The following PCDHGA2 variants were observed in gnomAD, a reference collection of about 807,000 sequenced individuals.
The protein encoded by PCDHGA2 is protocadherin gamma-A2.
In PCDHGA2, 40 loss-of-function variants were observed where a neutral mutation model predicts 59.2. The ratio of observed to expected loss-of-function variants is 0.68; its 90% CI spans 0.52 to 0.88. The LOEUF is 0.88. Ranked by LOEUF, PCDHGA2 falls within the 40% of genes least tolerant of loss-of-function variation. PCDHGA2 has a pLI of 0.00. For synonymous variants in PCDHGA2, 560 were observed against 526.0 expected, an observed-to-expected ratio of 1.06 and a Z score of -0.89; for missense variants, 1,226 against 1,204.0, an observed-to-expected ratio of 1.02 and a Z score of -0.27.
At chr5:141,352,135 G>A (rs747746357) in intron 1 of PCDHGA2, 4 of 1,611,002 alleles carry the variant, frequency 2.5e-6, no homozygotes, top group African/African-American at 2.7e-5. Context: ...TGCGCACAGC[G>A]CGTGCCTTGG....
intron 1 of PCDHGA2, chr5:141,383,465 C>T: frequency 6.2e-7 from 1 of 1,613,792 alleles, no homozygotes; most frequent in Non-Finnish European, 8.5e-7. Flanking sequence ...GACGATGAAA[C>T]TAAGTACCCG....
chr5:141,373,547 T>C (rs1363440300), intron 1 of PCDHGA2, among the ~76,000 whole-genome samples: 2 of 152,240 alleles, frequency 1.3e-5, no homozygotes, highest in African/African-American at 4.8e-5. Flanking sequence ...TGGTTGTTGG[T>C]ACCCTTACTG....
chr5:141,355,089 C>G (rs1381580612), intron 1 of PCDHGA2: 1 of 1,474,082 alleles, frequency 6.8e-7, no homozygotes, highest in East Asian at 2.3e-5. Context: ...AGCGGAAGCC[C>G]TGAGAGCTCT....
Position 141,339,971 on chromosome 5 carries a change from A to G in PCDHGA2, c.1000A>G (p.Ile334Val). The change falls in exon 1 of 4, where the codon ATC (isoleucine) becomes GTC (valine). Residue 334 changes from isoleucine (I) to valine (V), a missense_variant. Coordinates refer to ENST00000394576, the MANE Select transcript of PCDHGA2 (RefSeq NM_018915.4). ...GGGCCTTCTAACCAGAGCGAAGGTT[A>G]TCGTCACGGTTCTGGATGTGAATGA... ...GPGLLTRAKVIVTVLDVNDNA... is the reference protein window; with the variant it reads ...GPGLLTRAKVVVTVLDVNDNA... The G allele has an allele frequency of 6.2e-7, 1 of 1,614,200 alleles. No individual in the cohort carries two copies. Among genetic ancestry groups the G allele is most frequent in the Non-Finnish European group, 8.5e-7 (1 of 1,180,014 alleles).
intron 1 of PCDHGA2, chr5:141,423,505 C>G: frequency 6.2e-7 from 1 of 1,613,932 alleles, no homozygotes; most frequent in Non-Finnish European, 8.5e-7. Context: ...CGAGGTCTCT[C>G]TCATTGCGGA....
chr5:141,427,936 G>A, intron 1 of PCDHGA2: 1 of 1,584,966 alleles, frequency 6.3e-7, no homozygotes, highest in Admixed American at 1.7e-5. Context: ...ATGTTGGTGG[G>A]CGACCTCAAT....
chr5:141,399,195 G>A (rs773731727), intron 1 of PCDHGA2: 5 of 1,613,852 alleles, frequency 3.1e-6, no homozygotes, highest in Non-Finnish European at 4.2e-6. Context: ...TGGAAAACGC[G>A]GTGCCTGGAA....
chr5:141,402,816 C>T, intron 1 of PCDHGA2: 1 of 1,261,762 alleles, frequency 7.9e-7, no homozygotes, highest in South Asian at 1.7e-5. Flanking sequence ...ATACCACAAA[C>T]CTGCTCCCAG....
At chr5:141,350,425 T>A (rs759895057) in intron 1 of PCDHGA2, 1 of 1,607,986 alleles carries the variant, frequency 6.2e-7, no homozygotes, top group East Asian at 2.2e-5. Context: ...TGGGGCTCAG[T>A]GTCCGGGAGT....
chr5:141,475,550 T>G (rs2099365082), intron 1 of PCDHGA2, among the ~76,000 whole-genome samples: 1 of 152,246 alleles, frequency 6.6e-6, no homozygotes, highest in Non-Finnish European at 1.5e-5. Flanking sequence ...AGGGTCCGGC[T>G]AATTGTCTGT....
intron 1 of PCDHGA2, among the ~76,000 whole-genome samples, chr5:141,448,086 TAA>T (rs558292628): frequency 6.8e-6 from 1 of 146,354 alleles, no homozygotes; most frequent in Middle Eastern, 3.2e-3. Flanking sequence ...AATGCCATCT[TAA>T]AAAAAAAAAA....
chr5:141,341,127 G>A lies in PCDHGA2; in HGVS notation c.2156G>A (p.Trp719Ter), dbSNP rs1196446097. ...IVLLAHRLRRWHKSRLLQASG... is the reference protein window; with the variant it reads ...IVLLAHRLRR ...TTGCTGGCGCACAGGCTGCGGCGCT[G>A]GCACAAGTCACGCCTGCTGCAGGCT... Residue 719 changes from tryptophan to a stop codon, truncating the protein, a stop_gained, in exon 1 of 4, where the codon TGG becomes TAG. Coordinates refer to ENST00000394576, the MANE Select transcript of PCDHGA2 (RefSeq NM_018915.4). LOFTEE classifies it high-confidence loss of function. 1.9e-6 allele frequency: 3 copies of A among 1,614,218 alleles called. No individual in the cohort carries two copies. The highest frequency in any genetic ancestry group is 1.7e-6 in the Non-Finnish European group (2 of 1,180,042).
At chr5:141,374,058 C>G in intron 1 of PCDHGA2, 1 of 1,487,942 alleles carries the variant, frequency 6.7e-7, no homozygotes, top group Non-Finnish European at 8.9e-7. Flanking sequence ...CTTCTTAATC[C>G]CAGAGAAGTT....
chr5:141,425,763 G>A (rs959881638), intron 1 of PCDHGA2, among the ~76,000 whole-genome samples: 3 of 152,164 alleles, frequency 2.0e-5, no homozygotes, highest in Non-Finnish European at 4.4e-5. Context: ...TCTACAACAG[G>A]AGAGAAGACT....
At chr5:141,419,789 G>A (rs758649709) in intron 1 of PCDHGA2, 2 of 1,614,068 alleles carry the variant, frequency 1.2e-6, no homozygotes, top group South Asian at 2.2e-5. Context: ...GCGCCTGCTA[G>A]TCGCTGTAAG....
chr5:141,457,649 A>C (rs1303184316), intron 1 of PCDHGA2, among the ~76,000 whole-genome samples: 1 of 152,282 alleles, frequency 6.6e-6, no homozygotes, highest in Non-Finnish European at 1.5e-5. Context: ...TATTTGCATG[A>C]AGTGCAGCAA....
At chr5:141,361,288 C>T (rs1213603447) in intron 1 of PCDHGA2, 21 of 1,613,934 alleles carry the variant, frequency 1.3e-5, no homozygotes, top group Non-Finnish European at 1.8e-5. Flanking sequence ...AGTTTACTGC[C>T]AAGTGTTGGG....
chr5:141,423,106 G>T lies in PCDHGA2; in HGVS notation c.2425-71701G>T, dbSNP rs562864937. On this transcript the variant is annotated intron_variant, in intron 1 of 3. Coordinates refer to ENST00000394576, the MANE Select transcript of PCDHGA2 (RefSeq NM_018915.4). ...CGCGGTGGGGGAGCACACGGGCGAGGTGCGTACAGCGCGGGCACTGCTGGA... is the reference window on the plus strand; with the variant it reads ...CGCGGTGGGGGAGCACACGGGCGAGTTGCGTACAGCGCGGGCACTGCTGGA... The T allele has an allele frequency of 1.2e-5, 19 of 1,613,894 alleles. No individual in the cohort carries two copies. The African/African-American group carries it at 2.1e-4, about 18-fold the overall frequency.
chr5:141,435,059 G>A (rs2097741198), intron 1 of PCDHGA2, among the ~76,000 whole-genome samples: 1 of 152,042 alleles, frequency 6.6e-6, no homozygotes, highest in Non-Finnish European at 1.5e-5. Context: ...CCATGCAGCA[G>A]TTTTGTGTAG....
Sources: allele counts gnomAD v4.1 joint callset (sites outside exome capture counted in the v4.1 genomes callset), GRCh38; gene constraint gnomAD v4.1.1; transcripts MANE v1.5; gene names NCBI Gene and HGNC (gene_info 2026-07-23, HGNC 2026-07-21).